KHDRBS2: variants seen among roughly 807,000 people sequenced by gnomAD.
The protein encoded by KHDRBS2 is KH RNA binding domain containing, signal transduction associated 2.
KHDRBS2 carries 26 observed loss-of-function variants against 44.3 expected under a neutral mutation model. That is an observed-to-expected ratio of 0.59 (90% CI 0.43 to 0.81). The LOEUF is 0.81. Among genes scored for constraint, KHDRBS2 ranks in the 40% least tolerant of loss-of-function variants. The pLI, the probability that KHDRBS2 is intolerant of heterozygous loss-of-function variation, is 0.00. For synonymous variants in KHDRBS2, 194 were observed against 151.1 expected (o/e 1.28, Z -2.08); for missense variants, 476 against 433.1 (o/e 1.10, Z -0.88).
intron 6 of KHDRBS2, among the ~76,000 whole-genome samples, chr6:61,809,723 ACATTCTGAT>A (rs1787796227): frequency 6.6e-6 from 1 of 152,150 alleles, no homozygotes; most frequent in South Asian, 2.1e-4. Flanking sequence ...CTTCTTAGAC[ACATTCTGAT>A]CAAGACCCTA....
At chr6:61,600,168 G>A in the KHDRBS2 span, among the ~76,000 whole-genome samples, 1 of 152,082 alleles carries the variant, frequency 6.6e-6, no homozygotes, top group Admixed American at 6.5e-5. Context: ...GCTAACACCT[G>A]GGAATATGAG....
intron 6 of KHDRBS2, among the ~76,000 whole-genome samples, chr6:61,807,587 CAT>C (rs747723578): frequency 5.9e-5 from 9 of 152,072 alleles, no homozygotes; most frequent in Admixed American, 6.6e-5. Context: ...CCAAATACCA[CAT>C]GTGTCTCACA....
At chr6:62,251,875 G>A (rs1270769752) in intron 1 of KHDRBS2, among the ~76,000 whole-genome samples, 1 of 151,726 alleles carries the variant, frequency 6.6e-6, no homozygotes, top group Non-Finnish European at 1.5e-5. Flanking sequence ...TAGTATTAAA[G>A]ATAAAGCATA....
intron 6 of KHDRBS2, among the ~76,000 whole-genome samples, chr6:61,799,698 G>T (rs1785954210): frequency 6.6e-6 from 1 of 151,840 alleles, no homozygotes; most frequent in Non-Finnish European, 1.5e-5. Flanking sequence ...TTCATTCAGG[G>T]TTAGAATGTA....
the KHDRBS2 span, among the ~76,000 whole-genome samples, chr6:61,598,442 G>A: frequency 6.6e-6 from 1 of 152,132 alleles, no homozygotes; most frequent in East Asian, 1.9e-4. Context: ...CTGTCCAGTT[G>A]TATTCTATAG....
chr6:61,870,409 A>C (rs1377950062), intron 6 of KHDRBS2, among the ~76,000 whole-genome samples: 1 of 152,122 alleles, frequency 6.6e-6, no homozygotes, highest in Non-Finnish European at 1.5e-5. Context: ...CTTATAGATA[A>C]AACACCCATC....
intron 6 of KHDRBS2, among the ~76,000 whole-genome samples, chr6:61,825,809 G>A (rs780689775): frequency 2.2e-4 from 34 of 152,070 alleles, no homozygotes; most frequent in African/African-American, 1.9e-4. Context: ...TGGTGTCCTC[G>A]TGTACTCAAT....
intron 3 of KHDRBS2, among the ~76,000 whole-genome samples, chr6:62,018,186 A>G (rs1781569114): frequency 6.6e-6 from 1 of 150,738 alleles, no homozygotes; most frequent in South Asian, 2.1e-4. Context: ...TCCGTCTCAA[A>G]ATATACAAAT....
At chr6:61,553,700 C>T in the KHDRBS2 span, among the ~76,000 whole-genome samples, 1 of 152,040 alleles carries the variant, frequency 6.6e-6, no homozygotes, top group African/African-American at 2.4e-5. Context: ...TATGTTATAT[C>T]TTTGTTCTCA....
At chr6:62,097,692 T>C (rs1172823186) in intron 2 of KHDRBS2, among the ~76,000 whole-genome samples, 1 of 152,124 alleles carries the variant, frequency 6.6e-6, no homozygotes, top group Non-Finnish European at 1.5e-5. Flanking sequence ...CATCTTTTAA[T>C]TGGGAAATTT....
At chr6:61,710,709 C>T (rs540867484) in intron 7 of KHDRBS2, among the ~76,000 whole-genome samples, 4 of 150,788 alleles carry the variant, frequency 2.7e-5, no homozygotes, top group East Asian at 2.0e-4. Flanking sequence ...TACCCACCCT[C>T]CTAGGCAAGA....
At chr6:62,164,594 T>C (rs1175323024) in intron 2 of KHDRBS2, among the ~76,000 whole-genome samples, 4 of 151,936 alleles carry the variant, frequency 2.6e-5, no homozygotes, top group African/African-American at 7.2e-5. Flanking sequence ...TGCACATGTA[T>C]ACACATGCAT....
chr6:61,949,007 C>G (rs1764200930), intron 4 of KHDRBS2, among the ~76,000 whole-genome samples: 2 of 152,054 alleles, frequency 1.3e-5, no homozygotes, highest in Non-Finnish European at 2.9e-5. Flanking sequence ...AGAAACTCGA[C>G]TATTCAGCTC....
chr6:61,715,193 A>G (rs1292206955), intron 7 of KHDRBS2, among the ~76,000 whole-genome samples: 1 of 151,916 alleles, frequency 6.6e-6, no homozygotes, highest in African/African-American at 2.4e-5. Flanking sequence ...AAAACAACGA[A>G]CGCATAGAAA....
chr6:61,644,652 G>A, the KHDRBS2 span, among the ~76,000 whole-genome samples: 1 of 152,084 alleles, frequency 6.6e-6, no homozygotes, highest in South Asian at 2.1e-4. Flanking sequence ...CAAAAGACAT[G>A]AACAGACACT....
At chr6:62,106,971 C>T (rs189482060) in intron 2 of KHDRBS2, among the ~76,000 whole-genome samples, 1 of 152,070 alleles carries the variant, frequency 6.6e-6, no homozygotes, top group Admixed American at 6.6e-5. Context: ...CTAAGACAAA[C>T]CCACAGCCAA....
intron 6 of KHDRBS2, among the ~76,000 whole-genome samples, 187 bp downstream of exon 6, chr6:61,894,448 C>T (rs1345462383): frequency 6.6e-6 from 1 of 152,158 alleles, no homozygotes; most frequent in Non-Finnish European, 1.5e-5. Flanking sequence ...GTGATGACAC[C>T]TGTAAAATGA....
intron 6 of KHDRBS2, among the ~76,000 whole-genome samples, chr6:61,869,041 G>A (rs975753145): frequency 6.6e-6 from 1 of 152,128 alleles, no homozygotes; most frequent in African/African-American, 2.4e-5. Context: ...TTTCCCCGGG[G>A]GAGTTGCACA....
At chr6:61,593,165 T>A in the KHDRBS2 span, among the ~76,000 whole-genome samples, 2 of 152,220 alleles carry the variant, frequency 1.3e-5, no homozygotes, top group Non-Finnish European at 2.9e-5. Context: ...AGTGTTCTAG[T>A]AAACTTTCTG....
Sources: allele counts gnomAD v4.1 joint callset (sites outside exome capture counted in the v4.1 genomes callset), GRCh38; gene constraint gnomAD v4.1.1; transcripts MANE v1.5; gene names NCBI Gene and HGNC (gene_info 2026-07-23, HGNC 2026-07-21).